The following PEPD variants were observed in gnomAD, a reference collection of about 807,000 sequenced individuals.
PEPD encodes the protein peptidase D, also known as xaa-Pro dipeptidase.
In PEPD, 53 loss-of-function variants were observed where a neutral mutation model predicts 60.7. The ratio of observed to expected loss-of-function variants is 0.87; its 90% CI spans 0.70 to 1.10. The LOEUF is 1.10. Among genes scored for constraint, PEPD ranks in the 50% least tolerant of loss-of-function variants. PEPD has a pLI of 0.00. For missense variants in PEPD, 711 were observed against 711.9 expected (o/e 1.00, Z 0.01); for synonymous variants, 267 against 284.1 (o/e 0.94, Z 0.60).
At chr19:33,402,762 G>A (rs993757055) in intron 11 of PEPD, among the ~76,000 whole-genome samples, 3 of 152,220 alleles carry the variant, frequency 2.0e-5, no homozygotes, top group African/African-American at 7.2e-5. Context: ...TGGGGCAGAG[G>A]TGCCAGCTGT....
At chr19:33,506,395 TCA>T (rs761405776) in intron 3 of PEPD, among the ~76,000 whole-genome samples, 18 of 64,828 alleles carry the variant, frequency 2.8e-4, no homozygotes, top group African/African-American at 5.5e-4. Flanking sequence ...TACACACCAC[TCA>T]CACACACACC....
chr19:33,496,078 C>T (rs1970597605), intron 4 of PEPD, among the ~76,000 whole-genome samples: 1 of 152,146 alleles, frequency 6.6e-6, no homozygotes, highest in Non-Finnish European at 1.5e-5. Flanking sequence ...TTAAAAGGAA[C>T]AGGGGTACAC....
At chr19:33,476,594 A>G (rs1363553138) in intron 7 of PEPD, among the ~76,000 whole-genome samples, 1 of 152,048 alleles carries the variant, frequency 6.6e-6, no homozygotes, top group African/African-American at 2.4e-5. Context: ...ACAGCCTCCT[A>G]ACTTGCCACC....
intron 5 of PEPD, among the ~76,000 whole-genome samples, chr19:33,490,465 G>C (rs1035905249): frequency 6.6e-6 from 1 of 152,172 alleles, no homozygotes; most frequent in East Asian, 1.9e-4. Flanking sequence ...TATAACATCC[G>C]AAAGAGTCCT....
rs1971066575 is a variant in PEPD, at chr19:33,518,479, G to A, written c.17+3265C>T. Among the ~76,000 whole-genome samples, 3 of 152,254 alleles carry A rather than the reference G, an allele frequency of 2.0e-5. No individual in the cohort carries two copies. The South Asian group carries it at 6.2e-4, about 32-fold the overall frequency. On this transcript the variant is annotated intron_variant, in intron 1 of 14. Coordinates refer to ENST00000244137, the MANE Select transcript of PEPD (RefSeq NM_000285.4). ...CAGTGTAACCTACGGCTCAACAGGG[G>A]TACACGTCCAGGGCAGTTCACCTTT... is the stretch of plus-strand genomic sequence containing the variant.
chr19:33,481,338 G>A (rs1026628431), intron 6 of PEPD, among the ~76,000 whole-genome samples: 2 of 152,144 alleles, frequency 1.3e-5, no homozygotes, highest in Admixed American at 6.5e-5. Flanking sequence ...AGGCTAAGGC[G>A]GGCAGATCAC....
chr19:33,451,299 A>C (rs991409545), intron 9 of PEPD, among the ~76,000 whole-genome samples: 2 of 152,244 alleles, frequency 1.3e-5, no homozygotes, highest in African/African-American at 4.8e-5. Context: ...CTAATTTTTT[A>C]AGGAAAATTT....
In PEPD at chr19:33,498,019, G is replaced by A. The variant is rs568806727; in HGVS notation, c.393+2919C>T. On this transcript the variant is annotated intron_variant, in intron 4 of 14. Coordinates refer to ENST00000244137, the MANE Select transcript of PEPD (RefSeq NM_000285.4). Reference sequence around the variant, plus strand: ...GAGCCTCAGCCTCATATCTATGAACGGGGTGGGGGCTACGGCCCAGCACAG... The same window carrying A: ...GAGCCTCAGCCTCATATCTATGAACAGGGTGGGGGCTACGGCCCAGCACAG... Among the ~76,000 whole-genome samples the A allele has an allele frequency of 5.3e-5, 8 of 152,134 alleles. 1 individual carries two copies. The South Asian group carries it at 1.2e-3, about 24-fold the overall frequency.
intron 1 of PEPD, among the ~76,000 whole-genome samples, chr19:33,514,327 T>C (rs1423247687): frequency 6.6e-6 from 1 of 151,550 alleles, no homozygotes; most frequent in Non-Finnish European, 1.5e-5. Context: ...CACAGCACGG[T>C]GAAGTGGTCT....
intron 3 of PEPD, among the ~76,000 whole-genome samples, chr19:33,503,711 A>G (rs1970752086): frequency 6.6e-6 from 1 of 152,236 alleles, no homozygotes; most frequent in Non-Finnish European, 1.5e-5. Context: ...TTCTGGCTCC[A>G]TAACAAACAC....
At chr19:33,521,288 A>G (rs1419519428) in intron 1 of PEPD, among the ~76,000 whole-genome samples, 1 of 152,256 alleles carries the variant, frequency 6.6e-6, no homozygotes, top group Non-Finnish European at 1.5e-5. Flanking sequence ...TGGTTAGAGA[A>G]GGATTCCCTG....
At position 33,516,132 on chromosome 19, in the gene PEPD, C is replaced by T. The variant is rs1178282753; in HGVS notation, c.18-3356G>A. Among the ~76,000 whole-genome samples the T allele has an allele frequency of 7.9e-5, 12 of 152,154 alleles. 1 individual carries two copies. The highest frequency in any genetic ancestry group is 1.5e-5 in the Non-Finnish European group (1 of 68,008). ...GGCAATATGCTACAGTCATTAATTA[C>T]AGGACACCAAGTAATAAAGTTTTAT... On this transcript the variant is annotated intron_variant, in intron 1 of 14. Coordinates refer to ENST00000244137, the MANE Select transcript of PEPD (RefSeq NM_000285.4).
At chr19:33,509,418 C>T (rs1970879343) in intron 3 of PEPD, among the ~76,000 whole-genome samples, 1 of 152,224 alleles carries the variant, frequency 6.6e-6, no homozygotes, top group Non-Finnish European at 1.5e-5. Context: ...TGCCAAGTGG[C>T]CTAAGAGCAG....
In PEPD at chr19:33,387,260, C is replaced by T; in HGVS notation, c.*84G>A. On this transcript the variant is annotated 3_prime_UTR_variant, in exon 15 of 15. Transcript: ENST00000244137. ...TGATTCTGGGTGCCGTCTCTCGCTA[C>T]TGGAGTGCTGACCAGCAGGCTGCCC... 1 of 1,528,612 alleles carries T rather than the reference C, an allele frequency of 6.5e-7. No individual in the cohort carries two copies. Among genetic ancestry groups the T allele is most frequent in the African/African-American group, 1.4e-5 (1 of 73,624 alleles). The allele number at this position is 1,528,612 out of a possible 1,614,324, so 94.7% of individuals were successfully genotyped here. A position where few individuals can be genotyped will look rare whatever the true frequency, so the allele number is the denominator to read the frequency against.
intron 9 of PEPD, among the ~76,000 whole-genome samples, chr19:33,462,492 G>A (rs531185306): frequency 6.6e-6 from 1 of 152,334 alleles, no homozygotes; most frequent in South Asian, 2.1e-4. Flanking sequence ...CACCCGCCAC[G>A]GCTGGGCAGC....
Position 33,464,057 on chromosome 19 carries a change from A to G in PEPD, c.554T>C (p.Val185Ala). The G allele has an allele frequency of 6.2e-7, 1 of 1,611,682 alleles. No individual in the cohort carries two copies. Among genetic ancestry groups the G allele is most frequent in the Non-Finnish European group, 8.5e-7 (1 of 1,178,086 alleles). Residue 185 changes from valine (V) to alanine (A), a missense_variant, in exon 8 of 15, where the codon GTG becomes GCG. Transcript: ENST00000244137. ...CTCCAGCTCCATATCCGTCTTAAAC[A>G]CTCGGCTTCAGAGACAGAAGAACAA... is the stretch of plus-strand genomic sequence containing the variant. ...ILHPEIVECR[V>A]FKTDMELEVL...
intron 9 of PEPD, among the ~76,000 whole-genome samples, chr19:33,420,844 C>T (rs544865701): frequency 4.7e-4 from 71 of 152,348 alleles, no homozygotes; most frequent in African/African-American, 1.4e-3. Flanking sequence ...AACTTGGGCA[C>T]GCCTGTGTGC....
At chr19:33,492,739 G>A (rs1294783881) in intron 5 of PEPD, among the ~76,000 whole-genome samples, 4 of 148,620 alleles carry the variant, frequency 2.7e-5, no homozygotes, top group Non-Finnish European at 6.1e-5. Flanking sequence ...TTTAACCTTA[G>A]GAGTGGGTGT....
intron 9 of PEPD, among the ~76,000 whole-genome samples, chr19:33,429,357 A>C (rs1969223213): frequency 6.6e-6 from 1 of 152,242 alleles, no homozygotes; most frequent in Non-Finnish European, 1.5e-5. Context: ...ATGGAATTTT[A>C]CAATGGGGGG....
Sources: gnomAD v4.1 joint callset for allele counts (sites outside exome capture counted in the v4.1 genomes callset) on GRCh38, gnomAD v4.1.1 for gene constraint, MANE v1.5 for transcripts, NCBI Gene and HGNC (gene_info 2026-07-23, HGNC 2026-07-21) for gene names.